CRPPA: variants seen among roughly 807,000 people sequenced by gnomAD.
CRPPA encodes CDP-L-ribitol pyrophosphorylase A.
A neutral mutation model predicts 52.0 loss-of-function variants in CRPPA; 43 were observed. The ratio of observed to expected loss-of-function variants is 0.83; its 90% confidence interval spans 0.65 to 1.07. CRPPA has a LOEUF of 1.07. Among genes scored for constraint, CRPPA ranks in the 50% least tolerant of loss-of-function variants. The probability of loss-of-function intolerance (pLI) is 0.00; values close to 1 mark genes in which losing one functional copy is unlikely to be tolerated. For missense variants in CRPPA, 629 were observed against 551.7 expected, an observed-to-expected ratio of 1.14 and a Z score of -1.40; for synonymous variants, 250 against 203.5, an observed-to-expected ratio of 1.23 and a Z score of -1.94.
intron 3 of CRPPA, among the ~76,000 whole-genome samples, chr7:16,367,419 C>T (rs996343742): frequency 5.3e-5 from 8 of 152,166 alleles, no homozygotes; most frequent in Admixed American, 3.9e-4. Context: ...AGTTGTAATG[C>T]TTGGTGAATA....
intron 2 of CRPPA, among the ~76,000 whole-genome samples, chr7:16,382,565 T>C (rs897973298): frequency 1.1e-4 from 16 of 152,072 alleles, no homozygotes; most frequent in Non-Finnish European, 1.9e-4. Flanking sequence ...GAAGTTCTCC[T>C]GGATAATATC....
chr7:16,359,253 G>A (rs1786381431), intron 3 of CRPPA, among the ~76,000 whole-genome samples: 1 of 152,112 alleles, frequency 6.6e-6, no homozygotes, highest in Non-Finnish European at 1.5e-5. Context: ...TCCCTCTTGA[G>A]TAGCTGGGAG....
At chr7:16,275,791 T>C (rs1045743467) in intron 6 of CRPPA, among the ~76,000 whole-genome samples, 11 of 151,148 alleles carry the variant, frequency 7.3e-5, no homozygotes, top group African/African-American at 2.7e-4. Context: ...TGAGCCATGA[T>C]AGTACCAAGA....
intron 3 of CRPPA, among the ~76,000 whole-genome samples, chr7:16,338,656 C>A (rs1381018336): frequency 2.0e-5 from 3 of 151,918 alleles, no homozygotes; most frequent in African/African-American, 4.8e-5. Flanking sequence ...AATTTGATAA[C>A]CTATAGGAAA....
chr7:16,362,711 G>A (rs1786488886), intron 3 of CRPPA, among the ~76,000 whole-genome samples: 1 of 152,174 alleles, frequency 6.6e-6, no homozygotes, highest in Admixed American at 6.5e-5. Flanking sequence ...TGTCATGTTA[G>A]AGAAATTCTG....
chr7:16,183,663 A>C (rs966447056), intron 9 of CRPPA, among the ~76,000 whole-genome samples: 39 of 152,118 alleles, frequency 2.6e-4, no homozygotes, highest in African/African-American at 9.4e-4. Flanking sequence ...AAACTTGTCT[A>C]TTCTACCATC....
intron 9 of CRPPA, among the ~76,000 whole-genome samples, chr7:16,135,934 T>C (rs1364659285): frequency 6.6e-6 from 1 of 152,184 alleles, no homozygotes; most frequent in South Asian, 2.1e-4. Flanking sequence ...TATGTACCAT[T>C]TTCCCTTCCA....
intron 6 of CRPPA, among the ~76,000 whole-genome samples, chr7:16,268,502 T>C (rs115014773): frequency 3.4e-4 from 52 of 152,270 alleles, no homozygotes; most frequent in African/African-American, 1.3e-3. Flanking sequence ...TATTTATACA[T>C]AAAATTTCCC....
intron 8 of CRPPA, among the ~76,000 whole-genome samples, chr7:16,217,836 G>A (rs1348632626): frequency 6.6e-6 from 1 of 151,862 alleles, no homozygotes; most frequent in Admixed American, 6.6e-5. Context: ...GAAAGTGACG[G>A]GGAGAATGGA....
At chr7:16,378,855 T>C (rs1294774846) in intron 2 of CRPPA, among the ~76,000 whole-genome samples, 1 of 152,228 alleles carries the variant, frequency 6.6e-6, no homozygotes, top group Non-Finnish European at 1.5e-5. Flanking sequence ...ATTTCTCTGA[T>C]GGCCAGTGAT....
intron 2 of CRPPA, among the ~76,000 whole-genome samples, chr7:16,380,270 C>A (rs1237457156): frequency 6.6e-6 from 1 of 151,344 alleles, no homozygotes; most frequent in South Asian, 2.1e-4. Context: ...GTCTTTGGCT[C>A]TGTTTATATG....
At chr7:16,323,753 T>C (rs1419135602) in intron 3 of CRPPA, among the ~76,000 whole-genome samples, 4 of 152,182 alleles carry the variant, frequency 2.6e-5, no homozygotes, top group African/African-American at 9.7e-5. Flanking sequence ...GAACAATCCA[T>C]AGTAAATTAA....
At chr7:16,345,598 C>T (rs569745265) in intron 3 of CRPPA, among the ~76,000 whole-genome samples, 3 of 151,984 alleles carry the variant, frequency 2.0e-5, no homozygotes, top group Non-Finnish European at 4.4e-5. Flanking sequence ...GGAAAGAGAA[C>T]ACAGTATTGC....
chr7:16,170,725 G>T (rs934778539), intron 9 of CRPPA, among the ~76,000 whole-genome samples: 15 of 152,308 alleles, frequency 9.8e-5, no homozygotes, highest in African/African-American at 2.9e-4. Flanking sequence ...GCCCTGCCCT[G>T]CAGGGAGGCA....
At chr7:16,303,479 A>AAAAAAAAAAAAAAAAAAAAG (rs1784834632) in intron 4 of CRPPA, among the ~76,000 whole-genome samples, 1 of 73,700 alleles carries the variant, frequency 1.4e-5, no homozygotes, top group Non-Finnish European at 3.1e-5. Flanking sequence ...TAAAATAGTA[A>AAAAAAAAAAAAAAAAAAAAG]AAAAAAAAAA....
chr7:16,245,365 C>T (rs1291182728), intron 8 of CRPPA, among the ~76,000 whole-genome samples: 1 of 152,108 alleles, frequency 6.6e-6, no homozygotes. Flanking sequence ...AAATGTTCTG[C>T]CAAATTTTCA....
chr7:16,145,917 CAG>C (rs1782965667), intron 9 of CRPPA, among the ~76,000 whole-genome samples: 1 of 152,058 alleles, frequency 6.6e-6, no homozygotes, highest in African/African-American at 2.4e-5. Flanking sequence ...GAAATAATGA[CAG>C]AAAACTCCCA....
chr7:16,293,771 C>G (rs1784611683), intron 5 of CRPPA, among the ~76,000 whole-genome samples: 1 of 151,946 alleles, frequency 6.6e-6, no homozygotes, highest in South Asian at 2.1e-4. Context: ...TTAAAAGACA[C>G]TTAATATTAT....
chr7:16,310,213 C>G (rs545443045), intron 3 of CRPPA, among the ~76,000 whole-genome samples: 1 of 152,094 alleles, frequency 6.6e-6, no homozygotes, highest in African/African-American at 2.4e-5. Context: ...CGCAAACAGA[C>G]AGACACTGAA....
Sources: allele counts gnomAD v4.1 joint callset (sites outside exome capture counted in the v4.1 genomes callset), GRCh38; gene constraint gnomAD v4.1.1; transcripts MANE v1.5; gene names NCBI Gene and HGNC (gene_info 2026-07-23, HGNC 2026-07-21).